Variants in PHLDB2 observed in about 807,000 individuals in gnomAD.
PHLDB2 encodes the protein pleckstrin homology-like domain family B member 2.
A neutral mutation model predicts 123.6 loss-of-function variants in PHLDB2; 71 were observed. The observed-to-expected ratio is 0.57, with a 90% CI of 0.47 to 0.70. PHLDB2 has a LOEUF of 0.70. PHLDB2 is among the 30% of genes least tolerant of loss of function. The pLI is 0.00. For missense variants in PHLDB2, 1,446 were observed against 1,519.5 expected, an observed-to-expected ratio of 0.95 and a Z score of 0.80; for synonymous variants, 547 against 541.6, an observed-to-expected ratio of 1.01 and a Z score of -0.14.
chr3:111,757,088 C>T (rs1028949162), intron 1 of PHLDB2, among the ~76,000 whole-genome samples: 10 of 149,712 alleles, frequency 6.7e-5, no homozygotes, highest in African/African-American at 2.4e-4. Context: ...AACATTTTTT[C>T]CTTCATTTCA....
intron 1 of PHLDB2, among the ~76,000 whole-genome samples, chr3:111,869,050 A>C (rs910088301): frequency 1.3e-5 from 2 of 152,250 alleles, no homozygotes; most frequent in South Asian, 4.1e-4. Flanking sequence ...ATGTAGACTG[A>C]TTTAAAAGTA....
intron 1 of PHLDB2, among the ~76,000 whole-genome samples, chr3:111,751,728 A>G (rs556282753): frequency 6.6e-6 from 1 of 151,740 alleles, no homozygotes; most frequent in South Asian, 2.1e-4. Flanking sequence ...TAGGAGATAT[A>G]CCTAATGCTA....
intron 1 of PHLDB2, among the ~76,000 whole-genome samples, chr3:111,795,584 C>T (rs1458071083): frequency 1.3e-5 from 2 of 152,218 alleles, no homozygotes; most frequent in African/African-American, 4.8e-5. Context: ...CACTTCCATA[C>T]ATCTTGAAGT....
At chr3:111,831,009 G>GAA (rs1238659440) in intron 1 of PHLDB2, among the ~76,000 whole-genome samples, 1 of 100,138 alleles carries the variant, frequency 1.0e-5, no homozygotes. Flanking sequence ...AAGAAAGAAA[G>GAA]AAAGAAAGAA....
At chr3:111,741,592 T>C (rs1243784769) in intron 1 of PHLDB2, among the ~76,000 whole-genome samples, 1 of 152,094 alleles carries the variant, frequency 6.6e-6, no homozygotes, top group Non-Finnish European at 1.5e-5. Context: ...AATTTTAATA[T>C]GAGAAGGGCA....
intron 6 of PHLDB2, among the ~76,000 whole-genome samples, chr3:111,935,248 T>C (rs1011852814): frequency 1.3e-5 from 2 of 151,892 alleles, no homozygotes; most frequent in East Asian, 1.9e-4. Flanking sequence ...TACAGGCACC[T>C]GCCACCATGC....
intron 1 of PHLDB2, among the ~76,000 whole-genome samples, chr3:111,820,941 C>G (rs141757786): frequency 1.8e-3 from 267 of 152,312 alleles, no homozygotes; most frequent in African/African-American, 6.1e-3. Context: ...CAGAGTCAAG[C>G]AAGATTTTGC....
chr3:111,904,299 T>C (rs183951674), intron 2 of PHLDB2, among the ~76,000 whole-genome samples: 2 of 67,128 alleles, frequency 3.0e-5, no homozygotes, highest in Admixed American at 3.0e-4. Context: ...AGGCCAAGGG[T>C]TCTGTGGAGG....
chr3:111,928,056 C>T (rs2068909187), intron 5 of PHLDB2, among the ~76,000 whole-genome samples: 1 of 152,190 alleles, frequency 6.6e-6, no homozygotes, highest in Non-Finnish European at 1.5e-5. Context: ...AAACTTTTAA[C>T]AATCCTGATC....
Position 111,962,149 on chromosome 3 carries a change from T to C in PHLDB2, c.2914T>C (p.Ser972Pro), listed in dbSNP as rs768665765. 3.8e-6 allele frequency: 6 copies of C among 1,582,690 alleles called. No homozygotes were observed. The highest frequency in any genetic ancestry group is 5.1e-6 in the Non-Finnish European group (6 of 1,171,516). The change falls in exon 13 of 18, where the codon TCT becomes CCT. Residue 972 changes from serine (S) to proline (P), a missense_variant. Coordinates refer to ENST00000431670, the MANE Select transcript of PHLDB2 (RefSeq NM_001134438.2). ...QQMSEGHRQK[S>P]EFYNRTASES... ...GATGAGTGAAGGACACAGGCAGAAA[T>C]CTGAATTTTATAACCGCACAGCATC...
intron 1 of PHLDB2, among the ~76,000 whole-genome samples, chr3:111,818,212 A>G (rs934131308): frequency 2.0e-5 from 3 of 147,248 alleles, no homozygotes; most frequent in East Asian, 2.0e-4. Flanking sequence ...ATGTGTTACT[A>G]TTTAGTAAAG....
chr3:111,873,808 A>G (rs993906026), intron 1 of PHLDB2, among the ~76,000 whole-genome samples: 1 of 152,124 alleles, frequency 6.6e-6, no homozygotes, highest in Admixed American at 6.5e-5. Flanking sequence ...CCACACCTAA[A>G]CACTTGAAGG....
chr3:111,960,114 G>T (rs2071307747), intron 12 of PHLDB2: 1 of 757,418 alleles, frequency 1.3e-6, no homozygotes, highest in Non-Finnish European at 1.6e-6. Context: ...TTTGTCATTT[G>T]CATAATAAAT....
At chr3:111,827,997 G>A (rs1247124360) in intron 1 of PHLDB2, among the ~76,000 whole-genome samples, 1 of 152,188 alleles carries the variant, frequency 6.6e-6, no homozygotes, top group Non-Finnish European at 1.5e-5. Flanking sequence ...GTGCAACAGA[G>A]GACTTCCTAA....
chr3:111,850,116 C>T (rs927931872), intron 2 of PHLDB2, among the ~76,000 whole-genome samples: 1 of 152,086 alleles, frequency 6.6e-6, no homozygotes, highest in African/African-American at 2.4e-5. Flanking sequence ...CCACCTCGGC[C>T]TCCCCAAGTG....
chr3:111,834,182 TATTATATATGTAATAGA>T lies in PHLDB2; in HGVS notation c.-48-11612_-48-11596del, dbSNP rs1235604804. 2.4e-3 allele frequency among the ~76,000 whole-genome samples: 200 copies of T among 83,772 alleles called. 28 individuals are homozygous for T. Among genetic ancestry groups the T allele is most frequent in the African/African-American group, 8.3e-3 (198 of 23,744 alleles). 55.0% of individuals were successfully genotyped at this position (83,772 alleles called of 152,430 possible). A position where few individuals can be genotyped will look rare whatever the true frequency, so the allele number is the denominator to read the frequency against. On this transcript the variant is annotated intron_variant, in intron 1 of 17. Transcript: ENST00000393923. The stretch of plus-strand genomic sequence containing the variant: ...ATTATATATGTAATAGAATTATATA[TATTATATATGTAATAGA>T]ATTATATATGTAATAGAATTATATA...
chr3:111,963,678 C>T (rs2071565277), intron 13 of PHLDB2, among the ~76,000 whole-genome samples: 1 of 152,120 alleles, frequency 6.6e-6, no homozygotes, highest in African/African-American at 2.4e-5. Context: ...TTTTTTGTGA[C>T]ATAATAAACC....
At chr3:111,809,029 A>C (rs1385658076) in intron 1 of PHLDB2, among the ~76,000 whole-genome samples, 1 of 152,250 alleles carries the variant, frequency 6.6e-6, no homozygotes, top group Non-Finnish European at 1.5e-5. Flanking sequence ...GCAATGGCTT[A>C]ATCTATACTT....
intron 2 of PHLDB2, chr3:111,885,923 AC>A (rs1366356283): frequency 6.1e-6 from 2 of 326,290 alleles, no homozygotes; most frequent in Non-Finnish European, 1.1e-5. Flanking sequence ...TTCATACACA[AC>A]CTTACTATCT....
Sources: gnomAD v4.1 joint callset for allele counts (sites outside exome capture counted in the v4.1 genomes callset) on GRCh38, gnomAD v4.1.1 for gene constraint, MANE v1.5 for transcripts, NCBI Gene and HGNC (gene_info 2026-07-23, HGNC 2026-07-21) for gene names.